GMDS: variants seen among roughly 807,000 people sequenced by gnomAD.
GMDS encodes the protein GDP-mannose 4,6 dehydratase.
In GMDS, 20 loss-of-function variants were observed where a neutral mutation model predicts 49.9. The observed-to-expected ratio is 0.40, with a 90% CI of 0.28 to 0.58. The LOEUF (loss-of-function observed/expected upper bound fraction) is 0.58, where lower values mean the gene tolerates loss of function less well. GMDS is among the 20% of genes least tolerant of loss of function. The pLI is 0.42. For missense variants in GMDS, 362 were observed against 481.4 expected, an observed-to-expected ratio of 0.75 and a Z score of 2.32; for synonymous variants, 177 against 178.6, an observed-to-expected ratio of 0.99 and a Z score of 0.07.
chr6:2,072,397 C>T lies in GMDS; in HGVS notation c.345+43374G>A, dbSNP rs1424570389. On this transcript the variant is annotated intron_variant, in intron 4 of 10. Coordinates refer to ENST00000380815, the MANE Select transcript of GMDS (RefSeq NM_001500.4). ...CTTAGGATGTCTGAAGGCAGCCTGC[C>T]TATCCTTTTCATTTTAAATAAAACT... 2.0e-5 allele frequency among the ~76,000 whole-genome samples: 3 copies of T among 152,164 alleles called. No individual in the cohort carries two copies. In the East Asian group the frequency reaches 5.8e-4, roughly 29 times the overall value.
At chr6:1,837,216 C>G (rs752918186) in intron 7 of GMDS, among the ~76,000 whole-genome samples, 7 of 152,110 alleles carry the variant, frequency 4.6e-5, no homozygotes, top group African/African-American at 7.2e-5. Flanking sequence ...GTACAAGATT[C>G]TTAAATGTTT....
chr6:1,747,613 C>G (rs1025752364), intron 7 of GMDS, among the ~76,000 whole-genome samples: 2 of 152,056 alleles, frequency 1.3e-5, no homozygotes, highest in African/African-American at 4.8e-5. Context: ...AGAAAGGATG[C>G]CCAGTGTGTA....
chr6:1,943,940 G>C (rs1762936966), intron 6 of GMDS, among the ~76,000 whole-genome samples: 2 of 152,154 alleles, frequency 1.3e-5, no homozygotes, highest in South Asian at 4.1e-4. Context: ...AAAAACACTG[G>C]AACAATATAG....
chr6:1,979,233 G>A (rs967786160), intron 4 of GMDS, among the ~76,000 whole-genome samples: 1 of 152,228 alleles, frequency 6.6e-6, no homozygotes, highest in African/African-American at 2.4e-5. Flanking sequence ...TTCAGAATGT[G>A]GGTAATAATG....
rs1756919254 is a variant in GMDS at position 1,836,158 on chromosome 6, T to C, written c.772-93572A>G. Among the ~76,000 whole-genome samples, 1 of 152,156 alleles carries C rather than the reference T, an allele frequency of 6.6e-6. No homozygotes were observed. ...CTGGGATTACAGGCCTGAGCCACCGTGCCTGGCCTCGTTTGCTTTATTTTT... is the reference window on the plus strand; with the variant it reads ...CTGGGATTACAGGCCTGAGCCACCGCGCCTGGCCTCGTTTGCTTTATTTTT... On this transcript the variant is annotated intron_variant, in intron 7 of 10. Coordinates refer to ENST00000380815, the MANE Select transcript of GMDS (RefSeq NM_001500.4). The surrounding 1 kb of genome is among the most constrained non-coding windows in gnomAD (Gnocchi z 4.2).
intron 7 of GMDS, among the ~76,000 whole-genome samples, chr6:1,854,505 GCT>G (rs1757858120): frequency 6.6e-6 from 1 of 152,200 alleles, no homozygotes; most frequent in Non-Finnish European, 1.5e-5. Flanking sequence ...TATCACCCAA[GCT>G]ATATGTGGCA....
At chr6:1,727,098 A>G (rs1009776422) in intron 8 of GMDS, among the ~76,000 whole-genome samples, 2 of 152,128 alleles carry the variant, frequency 1.3e-5, no homozygotes, top group Non-Finnish European at 2.9e-5. Context: ...AACCTCCAAA[A>G]AGTACAGAAC....
At chr6:1,774,661 A>G (rs1425871127) in intron 7 of GMDS, among the ~76,000 whole-genome samples, 1 of 152,216 alleles carries the variant, frequency 6.6e-6, no homozygotes, top group African/African-American at 2.4e-5. Flanking sequence ...GGCTACAGTC[A>G]CATTGAAAAC....
intron 9 of GMDS, among the ~76,000 whole-genome samples, chr6:1,675,059 T>C (rs566952617): frequency 1.3e-5 from 2 of 152,242 alleles, no homozygotes; most frequent in Non-Finnish European, 2.9e-5. Flanking sequence ...TGCCTCAGCC[T>C]CCCAAGTAGC....
At chr6:1,927,062 T>G (rs1024875806) in intron 7 of GMDS, among the ~76,000 whole-genome samples, 111 of 147,122 alleles carry the variant, frequency 7.5e-4, no homozygotes, top group Non-Finnish European at 9.7e-4. Flanking sequence ...GATGTATTTT[T>G]ATTCAGAGGG....
chr6:2,110,888 T>C (rs1222645051), intron 4 of GMDS, among the ~76,000 whole-genome samples: 1 of 152,214 alleles, frequency 6.6e-6, no homozygotes, highest in African/African-American at 2.4e-5. Context: ...AGAAAGAATT[T>C]GAAAATCCTT....
chr6:2,060,481 C>T (rs1232728840), intron 4 of GMDS, among the ~76,000 whole-genome samples: 5 of 152,158 alleles, frequency 3.3e-5, no homozygotes, highest in African/African-American at 7.2e-5. Context: ...TGGGCACCTA[C>T]GATGGGCCAC....
chr6:1,841,704 G>A (rs1282203585), intron 7 of GMDS, among the ~76,000 whole-genome samples: 2 of 152,176 alleles, frequency 1.3e-5, no homozygotes, highest in Non-Finnish European at 2.9e-5. Context: ...TACAGGTACA[G>A]GTAGGTGGTG....
chr6:1,874,246 G>T (rs1164975198), intron 7 of GMDS, among the ~76,000 whole-genome samples: 1 of 152,154 alleles, frequency 6.6e-6, no homozygotes, highest in Non-Finnish European at 1.5e-5. Flanking sequence ...ATGTTAGGCT[G>T]GTAGAAAGAA....
intron 4 of GMDS, among the ~76,000 whole-genome samples, chr6:2,022,116 C>A (rs531974833): frequency 6.6e-6 from 1 of 152,248 alleles, no homozygotes; most frequent in South Asian, 2.1e-4. Flanking sequence ...AAAGACGACA[C>A]AGGCAACTCT....
At chr6:1,913,626 T>C (rs1163726318) in intron 7 of GMDS, among the ~76,000 whole-genome samples, 3 of 152,212 alleles carry the variant, frequency 2.0e-5, no homozygotes, top group East Asian at 3.8e-4. Flanking sequence ...CTTTTTCACC[T>C]TGGAAACTTT....
At chr6:1,759,378 C>CT (rs1395336229) in intron 7 of GMDS, among the ~76,000 whole-genome samples, 1 of 152,210 alleles carries the variant, frequency 6.6e-6, no homozygotes. Flanking sequence ...CATACACCTG[C>CT]TAAGTGTTAG....
rs1362892129 is a variant in GMDS at position 1,623,827 on chromosome 6, T to C, written c.*342A>G. On this transcript the variant is annotated 3_prime_UTR_variant, in exon 11 of 11. Transcript: ENST00000380815. ...TGAATGCTAGTTCACAGAAAGACCA[T>C]TTTTAATATGAAAAGAGAAAAACAA... 3.2e-6 allele frequency: 1 copy of C among 312,524 alleles called. No homozygotes were observed. Among genetic ancestry groups the C allele is most frequent in the Non-Finnish European group, 5.9e-6 (1 of 169,248 alleles). The allele number at this position is 312,524 out of a possible 1,614,324, so 19.4% of individuals were successfully genotyped here.
At chr6:1,681,260 C>T (rs1345112024) in intron 9 of GMDS, among the ~76,000 whole-genome samples, 2 of 152,066 alleles carry the variant, frequency 1.3e-5, no homozygotes, top group East Asian at 1.9e-4. Flanking sequence ...GCCACCCTGC[C>T]GCCAAGACAC....
Sources: allele counts gnomAD v4.1 joint callset (sites outside exome capture counted in the v4.1 genomes callset), GRCh38; gene constraint gnomAD v4.1.1; non-coding constraint Gnocchi (gnomAD v3.1); transcripts MANE v1.5; gene names NCBI Gene and HGNC (gene_info 2026-07-23, HGNC 2026-07-21).